Variants in IL1RAPL2 observed in about 807,000 individuals in gnomAD.
The protein encoded by IL1RAPL2 is X-linked interleukin-1 receptor accessory protein-like 2.
In IL1RAPL2, 3 loss-of-function variants were observed where a neutral mutation model predicts 44.1. The ratio of observed to expected loss-of-function variants is 0.07; its 90% CI spans 0.03 to 0.18. The LOEUF is 0.18. Ranked by LOEUF, IL1RAPL2 falls within the 10% of genes least tolerant of loss-of-function variation. The pLI is 1.00. For synonymous variants in IL1RAPL2, 181 were observed against 178.8 expected, an observed-to-expected ratio of 1.01 and a Z score of -0.10; for missense variants, 391 against 496.4, an observed-to-expected ratio of 0.79 and a Z score of 2.02.
chrX:105,004,909 C>G (rs1259555902), intron 2 of IL1RAPL2, among the ~76,000 whole-genome samples: 1 of 110,811 alleles, frequency 9.0e-6, no homozygotes, highest in Non-Finnish European at 1.9e-5. Context: ...AAAATATCCC[C>G]GTCCCTCAGT....
intron 2 of IL1RAPL2, among the ~76,000 whole-genome samples, chrX:105,042,165 T>G (rs1443144006): frequency 1.8e-3 from 197 of 110,303 alleles, no homozygotes; most frequent in African/African-American, 5.1e-3. Context: ...ACATAGGCAT[T>G]GGCAAGGACT....
intron 6 of IL1RAPL2, among the ~76,000 whole-genome samples, chrX:105,599,881 T>A (rs1378806613): frequency 1.8e-5 from 2 of 111,490 alleles, no homozygotes; most frequent in Non-Finnish European, 3.8e-5. Flanking sequence ...TGAATAATGT[T>A]CAAATACAAA....
chrX:105,717,595 T>G, intron 7 of IL1RAPL2, 99 bp downstream of exon 7: 1 of 827,530 alleles, frequency 1.2e-6, no homozygotes. Flanking sequence ...TAAAAGCTGA[T>G]CTTATGGAGA....
intron 5 of IL1RAPL2, among the ~76,000 whole-genome samples, chrX:105,395,430 G>C (rs192038334): frequency 9.1e-6 from 1 of 110,088 alleles, no homozygotes; most frequent in African/African-American, 3.3e-5. Context: ...GAGATGAGTA[G>C]AGGCTGAGAA....
intron 3 of IL1RAPL2, among the ~76,000 whole-genome samples, chrX:105,225,575 C>T (rs906756004): frequency 2.9e-4 from 32 of 111,544 alleles, no homozygotes; most frequent in African/African-American, 8.8e-4. Flanking sequence ...GAGAATTCTC[C>T]ATGGGGCTTT....
intron 3 of IL1RAPL2, chrX:105,219,629 C>T: frequency 8.3e-7 from 1 of 1,210,199 alleles, no homozygotes; most frequent in Non-Finnish European, 1.1e-6. Flanking sequence ...CCTTTTCCTC[C>T]AGCAGCACCA....
chrX:105,313,497 T>C (rs1193958860), intron 5 of IL1RAPL2, among the ~76,000 whole-genome samples: 3 of 111,497 alleles, frequency 2.7e-5, no homozygotes, highest in Admixed American at 1.9e-4. Flanking sequence ...GTAAGGTCTA[T>C]TGATGCATCT....
chrX:105,284,887 A>G (rs1801423458), intron 5 of IL1RAPL2, among the ~76,000 whole-genome samples: 1 of 111,732 alleles, frequency 8.9e-6, no homozygotes, highest in South Asian at 3.8e-4. Context: ...ATAACGTTAG[A>G]TAGAGAAAGT....
At chrX:105,109,917 G>T (rs181953723) in intron 2 of IL1RAPL2, among the ~76,000 whole-genome samples, 2 of 112,144 alleles carry the variant, frequency 1.8e-5, no homozygotes, top group East Asian at 5.6e-4. Flanking sequence ...CTTATTTCAT[G>T]CAACTGCTTT....
intron 2 of IL1RAPL2, among the ~76,000 whole-genome samples, chrX:104,764,783 A>C (rs370516982): frequency 1.8e-5 from 2 of 112,262 alleles, no homozygotes; most frequent in East Asian, 5.6e-4. Context: ...TAATTTTATC[A>C]AATGCTTTTA....
chrX:105,017,218 TG>T (rs977654877), intron 2 of IL1RAPL2, among the ~76,000 whole-genome samples: 1 of 110,684 alleles, frequency 9.0e-6, no homozygotes, highest in African/African-American at 3.3e-5. Flanking sequence ...GTCTGTCTAG[TG>T]GTCTATCTAT....
chrX:105,084,099 A>C (rs1387030593), intron 2 of IL1RAPL2, among the ~76,000 whole-genome samples: 2 of 112,581 alleles, frequency 1.8e-5, no homozygotes, highest in Non-Finnish European at 3.7e-5. Context: ...AAACACTTGG[A>C]TATCCAGGCA....
chrX:105,475,654 G>A (rs1296752017), intron 5 of IL1RAPL2, among the ~76,000 whole-genome samples: 1 of 108,166 alleles, frequency 9.2e-6, no homozygotes, highest in Non-Finnish European at 1.9e-5. Flanking sequence ...AGGGGAAAAA[G>A]GCAACAGTGA....
chrX:104,934,151 T>C (rs1415821597), intron 2 of IL1RAPL2, among the ~76,000 whole-genome samples: 1 of 111,575 alleles, frequency 9.0e-6, no homozygotes, highest in African/African-American at 3.2e-5. Context: ...GTGACACTTA[T>C]AAAATTTTCT....
At position 104,757,252 on chromosome X, in the gene IL1RAPL2, C is replaced by G. The variant is rs188660681; in HGVS notation, c.82+98257C>G. ...AGACTGAATGTGGGATATGAGAGAA[C>G]AAAAGGAATCAAAGTTTTGGGGCTG... On this transcript the variant is annotated intron_variant, in intron 2 of 10. Transcript: ENST00000372582. Among the ~76,000 whole-genome samples, 110 of 111,294 alleles carry G rather than the reference C, an allele frequency of 9.9e-4. 2 individuals carry two copies. Among genetic ancestry groups the G allele is most frequent in the Admixed American group, 7.1e-3 (74 of 10,485 alleles).
chrX:105,759,702 A>C (rs963887794), intron 10 of IL1RAPL2, among the ~76,000 whole-genome samples: 2 of 112,206 alleles, frequency 1.8e-5, no homozygotes, highest in African/African-American at 3.2e-5. Context: ...TCACTAATCT[A>C]ATCTTCAATT....
At chrX:104,705,765 A>G (rs1018717241) in intron 2 of IL1RAPL2, among the ~76,000 whole-genome samples, 1 of 111,491 alleles carries the variant, frequency 9.0e-6, no homozygotes, top group African/African-American at 3.3e-5. Flanking sequence ...TTGGTTAGGG[A>G]AAGTTCAAGC....
chrX:105,689,104 T>C (rs1461450082), intron 6 of IL1RAPL2, among the ~76,000 whole-genome samples: 1 of 111,747 alleles, frequency 8.9e-6, no homozygotes, highest in Non-Finnish European at 1.9e-5. Context: ...ATGTTAGACC[T>C]AAAACCATAA....
chrX:105,750,554 A>G (rs1268286868), intron 9 of IL1RAPL2, among the ~76,000 whole-genome samples: 12 of 107,040 alleles, frequency 1.1e-4, no homozygotes, highest in Non-Finnish European at 2.3e-4. Flanking sequence ...AATCCTCTGG[A>G]CTTAGCCTCC....
Sources: gnomAD v4.1 joint callset for allele counts (sites outside exome capture counted in the v4.1 genomes callset) on GRCh38, gnomAD v4.1.1 for gene constraint, MANE v1.5 for transcripts, NCBI Gene and HGNC (gene_info 2026-07-23, HGNC 2026-07-21) for gene names.